The following ZSCAN26 variants were observed in gnomAD, a reference collection of about 807,000 sequenced individuals.
ZSCAN26 encodes zinc finger and SCAN domain containing 26, also known as zinc finger and SCAN domain-containing protein 26.
A neutral mutation model predicts 23.0 loss-of-function variants in ZSCAN26; 26 were observed. The ratio of observed to expected loss-of-function variants is 1.13; its 90% CI spans 0.83 to 1.57. The LOEUF (loss-of-function observed/expected upper bound fraction) is 1.57. Ranked by LOEUF, ZSCAN26 falls within the 40% of genes most tolerant of loss-of-function variation. The pLI is 0.00. For missense variants in ZSCAN26, 528 were observed against 568.5 expected (o/e 0.93, Z 0.72); for synonymous variants, 180 against 202.5 (o/e 0.89, Z 0.94).
intron 1 of ZSCAN26, among the ~76,000 whole-genome samples, chr6:28,268,569 G>A (rs1307572684): frequency 6.6e-6 from 1 of 152,064 alleles, no homozygotes. Flanking sequence ...TTGTCACAGT[G>A]GTCTAGGTAG....
intron 3 of ZSCAN26, 62 bp downstream of exon 3, chr6:28,272,849 G>T: frequency 7.2e-7 from 1 of 1,394,200 alleles, no homozygotes; most frequent in Non-Finnish European, 1.0e-6. Context: ...TCCCTCTGAG[G>T]TTGTGCTTAG....
At position 28,277,012 on chromosome 6, in the gene ZSCAN26, G is replaced by T. The variant is rs1581620389; in HGVS notation, c.1356G>T (p.Gln452His). Residue 452 changes from glutamine (Q) to histidine (H), a missense_variant, in exon 4 of 4, where the codon CAG (glutamine) becomes CAT (histidine). Gln to His is a conservative substitution (Grantham distance 24, BLOSUM62 0). Transcript: ENST00000421553. ...TCCACAATGAAGAAAAACCCTATCA[G>T]TGTAGTGAATGTGGAGAAGCCTTCA... ...VRIHNEEKPY[Q>H]CSECGEAFRQ... is the part of the protein sequence containing the mutation. The T allele has an allele frequency of 1.2e-6, 2 of 1,614,004 alleles. No homozygotes were observed. The highest frequency in any genetic ancestry group is 4.5e-5 in the East Asian group (2 of 44,886).
chr6:28,277,531 T>A lies in ZSCAN26; in HGVS notation c.*435T>A, dbSNP rs116107846. 2.2e-3 allele frequency: 362 copies of A among 166,834 alleles called. 2 individuals are homozygous for A. The highest frequency in any genetic ancestry group is 8.1e-3 in the African/African-American group (338 of 41,760). The allele number at this position is 166,834 out of a possible 1,614,324, so 10.3% of individuals were successfully genotyped here. On this transcript the variant is annotated 3_prime_UTR_variant, in exon 4 of 4. Coordinates refer to ENST00000421553, the MANE Select transcript of ZSCAN26 (RefSeq NM_001023560.4). ...AAATAAAACTGATGATGTTTGGAAGTATACTACTCTCAAAGGTGTCTTTAA... is the reference window on the plus strand; with the variant it reads ...AAATAAAACTGATGATGTTTGGAAGAATACTACTCTCAAAGGTGTCTTTAA...
chr6:28,277,188 A>C lies in ZSCAN26; in HGVS notation c.*92A>C. 2.2e-6 allele frequency: 3 copies of C among 1,383,314 alleles called. No individual in the cohort carries two copies. The highest frequency in any genetic ancestry group is 2.9e-6 in the Non-Finnish European group (3 of 1,024,048). 85.7% of individuals were successfully genotyped at this position (1,383,314 alleles called of 1,614,324 possible). A position where few individuals can be genotyped will look rare whatever the true frequency, so the allele number is the denominator to read the frequency against. ...AGTCACCGTAGCCCACTGTGGCATCAGAAAATTCTTGGGGGCTGAGTTGGA... is the reference window on the plus strand; with the variant it reads ...AGTCACCGTAGCCCACTGTGGCATCCGAAAATTCTTGGGGGCTGAGTTGGA... On this transcript the variant is annotated 3_prime_UTR_variant, in exon 4 of 4. Coordinates refer to ENST00000421553, the MANE Select transcript of ZSCAN26 (RefSeq NM_001023560.4).
At position 28,277,122 on chromosome 6, in the gene ZSCAN26, T is replaced by C. The variant is rs750281794; in HGVS notation, c.*26T>C. 4 of 1,591,156 alleles carry C rather than the reference T, an allele frequency of 2.5e-6. No homozygotes were observed. The highest frequency in any genetic ancestry group is 3.4e-6 in the Non-Finnish European group (4 of 1,170,270). On this transcript the variant is annotated 3_prime_UTR_variant, in exon 4 of 4. Transcript: ENST00000421553. ...TGAGGTGTTCTCTCCTTGTAGAACA[T>C]CAGAGAAGGCACATTGACTAGCAAA...
At chr6:28,268,465 C>T (rs1239020667) in intron 1 of ZSCAN26, among the ~76,000 whole-genome samples, 3 of 152,128 alleles carry the variant, frequency 2.0e-5, no homozygotes, top group Non-Finnish European at 2.9e-5. Flanking sequence ...TTATATGTAA[C>T]AGGCATAGCA....
intron 1 of ZSCAN26, 28 bp from the exon 2 acceptor site, chr6:28,271,826 T>G (rs1761697518): frequency 8.9e-7 from 1 of 1,124,162 alleles, no homozygotes; most frequent in Non-Finnish European, 1.2e-6. Context: ...TATTACTGTT[T>G]CTGTCACTCT....
chr6:28,270,178 T>C (rs1489551119), intron 1 of ZSCAN26, among the ~76,000 whole-genome samples: 2 of 152,312 alleles, frequency 1.3e-5, no homozygotes, highest in South Asian at 2.1e-4. Flanking sequence ...TTTTTACTTA[T>C]ATTAAGAATA....
At position 28,277,812 on chromosome 6, in the gene ZSCAN26, T is replaced by G. The variant is rs1762012756; in HGVS notation, c.*716T>G. 1 of 152,266 alleles carries G rather than the reference T, an allele frequency of 6.6e-6. No individual in the cohort carries two copies. The highest frequency in any genetic ancestry group is 2.4e-5 in the African/African-American group (1 of 41,468). The allele number at this position is 152,266 out of a possible 1,614,324, so 9.4% of individuals were successfully genotyped here. A position where few individuals can be genotyped will look rare whatever the true frequency, so the allele number is the denominator to read the frequency against. ...TTTGAAAGAGATTTCATGAGTAATT[T>G]GAATGAACCTTGCTGAATTAATCTG... On this transcript the variant is annotated 3_prime_UTR_variant, in exon 4 of 4. Coordinates refer to ENST00000421553, the MANE Select transcript of ZSCAN26 (RefSeq NM_001023560.4).
chr6:28,271,998 G>T lies in ZSCAN26; in HGVS notation c.79G>T (p.Asp27Tyr). 1 of 1,551,662 alleles carries T rather than the reference G, an allele frequency of 6.4e-7. No individual in the cohort carries two copies. Among genetic ancestry groups the T allele is most frequent in the Middle Eastern group, 1.7e-4 (1 of 5,990 alleles). The stretch of plus-strand genomic sequence containing the variant: ...GGAGGGGCTTCGGGTAGTGAGGGAG[G>T]ATCACTACTCTACTTGGGAACAGGG... ...KKEGLRVVRE[D>Y]HYSTWEQGFK... The change falls in exon 2 of 4, where the codon GAT (aspartate) becomes TAT (tyrosine). Residue 27 changes from aspartate to tyrosine, a missense_variant. Physicochemically the swap from Asp to Tyr is radical, Grantham distance 160. Coordinates refer to ENST00000421553, the MANE Select transcript of ZSCAN26 (RefSeq NM_001023560.4).
In ZSCAN26 at chr6:28,271,925, A is replaced by T. The variant is rs1456982272; in HGVS notation, c.6A>T (p.Ala2=). The T allele has an allele frequency of 6.5e-7, 1 of 1,549,408 alleles. No homozygotes were observed. Among genetic ancestry groups the T allele is most frequent in the Non-Finnish European group, 8.7e-7 (1 of 1,145,878 alleles). Residue 2 remains alanine (A), a synonymous_variant, in exon 2 of 4, where the codon GCA becomes GCT. Transcript: ENST00000421553. ...AGAACAGTCTGAAGCTGGGGATGGCAACAGCATTGGTGAGTGCCCATTCCC... is the reference window on the plus strand; with the variant it reads ...AGAACAGTCTGAAGCTGGGGATGGCTACAGCATTGGTGAGTGCCCATTCCC... M[A]TALVSAHSLA...
chr6:28,273,456 G>T (rs1034142190), intron 3 of ZSCAN26, among the ~76,000 whole-genome samples: 69 of 151,952 alleles, frequency 4.5e-4, no homozygotes, highest in African/African-American at 1.6e-3. Flanking sequence ...GCAGAGAACT[G>T]CTTGAATCCA....
rs779844501 is a variant in ZSCAN26, at chr6:28,272,131, G to A, written c.212G>A (p.Arg71Gln). The A allele has an allele frequency of 1.2e-5, 19 of 1,609,040 alleles. No individual in the cohort carries two copies. The highest frequency in any genetic ancestry group is 1.4e-5 in the Non-Finnish European group (16 of 1,177,578). Residue 71 changes from arginine to glutamine, a missense_variant, in exon 2 of 4, where the codon CGG becomes CAG. Transcript: ENST00000421553. Reference sequence around the variant, plus strand: ...ACAGGACCTCGAGAAGCACTAAGTCGGCTCCGGGAGCTCTGTCAACAGTGG... The same window carrying A: ...ACAGGACCTCGAGAAGCACTAAGTCAGCTCCGGGAGCTCTGTCAACAGTGG... ...ETTGPREALS[R>Q]LRELCQQWLQ... is the part of the protein sequence containing the mutation.
intron 3 of ZSCAN26, among the ~76,000 whole-genome samples, chr6:28,273,546 A>C (rs568603978): frequency 1.2e-4 from 17 of 143,042 alleles, no homozygotes; most frequent in Admixed American, 1.2e-3. Context: ...GTCTCAAAAA[A>C]CAAACAAACA....
Position 28,276,457 on chromosome 6 carries a change from T to A in ZSCAN26, c.801T>A (p.Ser267Arg). 1 of 1,613,862 alleles carries A rather than the reference T, an allele frequency of 6.2e-7. No individual in the cohort carries two copies. Among genetic ancestry groups the A allele is most frequent in the Non-Finnish European group, 8.5e-7 (1 of 1,179,854 alleles). The stretch of plus-strand genomic sequence containing the variant: ...TCTGCGAGTCTGATGTGTGTCAGAG[T>A]TCCAGTCTTACAGGACATAAGAAAG... The part of the protein sequence containing the change: ...KKLCESDVCQ[S>R]SSLTGHKKVL... The change falls in exon 4 of 4, where the codon AGT becomes AGA. Residue 267 changes from serine (S) to arginine (R), a missense_variant. By Grantham distance (110) the Ser-to-Arg change is moderately radical (BLOSUM62 -1). Coordinates refer to ENST00000421553, the MANE Select transcript of ZSCAN26 (RefSeq NM_001023560.4).
chr6:28,268,635 A>G (rs1761545025), intron 1 of ZSCAN26, among the ~76,000 whole-genome samples: 1 of 152,216 alleles, frequency 6.6e-6, no homozygotes, highest in Admixed American at 6.5e-5. Context: ...ATATTTAAGC[A>G]ATAGAATCAA....
In ZSCAN26 at chr6:28,276,230, G is replaced by A; in HGVS notation, c.574G>A (p.Val192Ile). The change falls in exon 4 of 4, where the codon GTA becomes ATA. Residue 192 changes from valine to isoleucine, a missense_variant. By Grantham distance (29) the Val-to-Ile change is conservative. Transcript: ENST00000421553. Reference sequence around the variant, plus strand: ...AAGGATTGAGAATGGGAAGCTTATTGTAGTAACAGACTCTTGTGGAAGAGT... The same window carrying A: ...AAGGATTGAGAATGGGAAGCTTATTATAGTAACAGACTCTTGTGGAAGAGT... Reference protein sequence around the residue: ...ETRIENGKLIVVTDSCGRVES... With the variant: ...ETRIENGKLIIVTDSCGRVES... 6.2e-7 allele frequency: 1 copy of A among 1,613,570 alleles called. No homozygotes were observed. Among genetic ancestry groups the A allele is most frequent in the East Asian group, 2.2e-5 (1 of 44,880 alleles).
At chr6:28,274,376 A>G (rs1404513095) in intron 3 of ZSCAN26, among the ~76,000 whole-genome samples, 3 of 152,190 alleles carry the variant, frequency 2.0e-5, no homozygotes, top group Middle Eastern at 6.3e-3. Context: ...AAAGGGGCCT[A>G]CCTTTTCTCA....
chr6:28,271,362 T>TTTTC (rs1404993950), intron 1 of ZSCAN26, among the ~76,000 whole-genome samples: 1 of 152,090 alleles, frequency 6.6e-6, no homozygotes, highest in African/African-American at 2.4e-5. Context: ...TTTCTTTTCT[T>TTTTC]TTTCTTTCTT....
Sources: gnomAD v4.1 joint callset for allele counts (sites outside exome capture counted in the v4.1 genomes callset) on GRCh38, gnomAD v4.1.1 for gene constraint, MANE v1.5 for transcripts, NCBI Gene and HGNC (gene_info 2026-07-23, HGNC 2026-07-21) for gene names.